Variants in ZFHX4 observed in about 807,000 individuals in gnomAD.
ZFHX4 encodes zinc finger homeobox protein 4.
ZFHX4 carries 56 observed loss-of-function variants against 267.6 expected under a neutral mutation model. That is an observed-to-expected ratio of 0.21 (90% CI 0.17 to 0.26). The LOEUF is 0.26. ZFHX4 is among the 10% of genes least tolerant of loss of function. The pLI is 1.00. For synonymous variants in ZFHX4, 1,778 were observed against 1,665.6 expected (o/e 1.07, Z -1.64); for missense variants, 4,332 against 4,420.0 (o/e 0.98, Z 0.56).
In ZFHX4 at chr8:76,851,165, A is replaced by G; in HGVS notation, c.4244A>G (p.His1415Arg). ...AFKTMQKLQI[H>R]SQYHAIRAAT... ...AAAACTATGCAGAAGCTTCAGATAC[A>G]TTCCCAGTATCATGCAATTCGGGCT... is the stretch of plus-strand genomic sequence containing the variant. The change falls in exon 10 of 11, where the codon CAT (histidine) becomes CGT (arginine). Residue 1415 changes from histidine (H) to arginine (R), a missense_variant. Coordinates refer to ENST00000651372, the MANE Select transcript of ZFHX4 (RefSeq NM_024721.5). The G allele has an allele frequency of 6.2e-7, 1 of 1,613,976 alleles. No individual in the cohort carries two copies. Among genetic ancestry groups the G allele is most frequent in the Non-Finnish European group, 8.5e-7 (1 of 1,179,886 alleles).
At chr8:76,785,156 CT>C (rs920319670) in intron 4 of ZFHX4, among the ~76,000 whole-genome samples, 25 of 151,938 alleles carry the variant, frequency 1.6e-4, no homozygotes, top group African/African-American at 5.6e-4. Flanking sequence ...CTGTATCCCC[CT>C]AGAATCATTT....
intron 3 of ZFHX4, among the ~76,000 whole-genome samples, chr8:76,727,863 G>A (rs1001068303): frequency 1.2e-4 from 18 of 151,974 alleles, no homozygotes; most frequent in African/African-American, 3.6e-4. Flanking sequence ...GTTCCTCCCC[G>A]AGGCTCAGCA....
intron 1 of ZFHX4, among the ~76,000 whole-genome samples, chr8:76,688,790 A>C (rs1280612290): frequency 6.6e-6 from 1 of 152,138 alleles, no homozygotes; most frequent in Non-Finnish European, 1.5e-5. Context: ...GTCACCACAA[A>C]TGATCCACCG....
At chr8:76,826,951 G>T (rs1159078590) in intron 4 of ZFHX4, among the ~76,000 whole-genome samples, 1 of 152,230 alleles carries the variant, frequency 6.6e-6, no homozygotes, top group Non-Finnish European at 1.5e-5. Flanking sequence ...GGCTATTATT[G>T]GGTGGAAGAG....
At chr8:76,841,384 G>C (rs570131240) in intron 5 of ZFHX4, among the ~76,000 whole-genome samples, 1 of 152,052 alleles carries the variant, frequency 6.6e-6, no homozygotes, top group Admixed American at 6.6e-5. Context: ...TAAAACATGG[G>C]GGGTGGAGAG....
chr8:76,708,586 C>T (rs1306728353), intron 3 of ZFHX4, among the ~76,000 whole-genome samples: 1 of 152,122 alleles, frequency 6.6e-6, no homozygotes, highest in Non-Finnish European at 1.5e-5. Context: ...AAAGTAAATT[C>T]TGTTGTTATT....
chr8:76,741,012 A>C (rs537668971), intron 3 of ZFHX4, among the ~76,000 whole-genome samples: 1 of 152,312 alleles, frequency 6.6e-6, no homozygotes, highest in African/African-American at 2.4e-5. Context: ...AAAACCAGGC[A>C]TGCATGGAAG....
chr8:76,799,575 T>C lies in ZFHX4; in HGVS notation c.3325+21136T>C, dbSNP rs573264174. Among the ~76,000 whole-genome samples, 20 of 152,278 alleles carry C rather than the reference T, an allele frequency of 1.3e-4. No homozygotes were observed. In the East Asian group the frequency reaches 3.7e-3, roughly 28 times the overall value. On this transcript the variant is annotated intron_variant, in intron 4 of 10. Coordinates refer to ENST00000651372, the MANE Select transcript of ZFHX4 (RefSeq NM_024721.5). ...TTATTAACATTCCTTGTGGAAACAG[T>C]TTCCATAACTAAATAAATCTGTTTC...
At position 76,864,219 on chromosome 8, in the gene ZFHX4, C is replaced by T; in HGVS notation, c.10505C>T (p.Thr3502Ile). 6.2e-7 allele frequency: 1 copy of T among 1,613,952 alleles called. No homozygotes were observed. Among genetic ancestry groups the T allele is most frequent in the Non-Finnish European group, 8.5e-7 (1 of 1,179,850 alleles). Residue 3502 changes from threonine to isoleucine, a missense_variant, in exon 11 of 11, where the codon ACA becomes ATA. By Grantham distance (89) the Thr-to-Ile change is moderately conservative (BLOSUM62 -1). Around this residue, in one of 7 missense-constraint regions of ZFHX4, gnomAD observed 1,648 missense variants for 1,625.0 expected, o/e 1.01. Transcript: ENST00000651372. ...HSVCSPNPNTTSTSQSAASSN... is the reference protein window; with the variant it reads ...HSVCSPNPNTISTSQSAASSN... The stretch of plus-strand genomic sequence containing the variant: ...GTCTGCTCCCCTAATCCTAACACCA[C>T]ATCTACCTCGCAGTCTGCAGCTTCT...
chr8:76,860,238 T>A (rs1320687955), intron 10 of ZFHX4, among the ~76,000 whole-genome samples: 1 of 152,098 alleles, frequency 6.6e-6, no homozygotes, highest in Non-Finnish European at 1.5e-5. Flanking sequence ...TTAATCTACA[T>A]CTCTTTTCCC....
intron 1 of ZFHX4, among the ~76,000 whole-genome samples, chr8:76,691,185 T>G (rs1167169248): frequency 1.3e-5 from 2 of 152,092 alleles, no homozygotes; most frequent in Non-Finnish European, 2.9e-5. Flanking sequence ...ATAACCTGTC[T>G]TCTCTGAGAG....
chr8:76,789,493 TCA>T (rs1810779124), intron 4 of ZFHX4, among the ~76,000 whole-genome samples: 1 of 152,224 alleles, frequency 6.6e-6, no homozygotes, highest in Admixed American at 6.5e-5. Context: ...CTGCAGAATC[TCA>T]TTTTCACTTT....
chr8:76,830,028 T>C (rs1246581170), intron 4 of ZFHX4, among the ~76,000 whole-genome samples: 4 of 152,140 alleles, frequency 2.6e-5, no homozygotes, highest in African/African-American at 7.2e-5. Context: ...CAATGTATCA[T>C]TGTGGTTAAG....
intron 4 of ZFHX4, among the ~76,000 whole-genome samples, chr8:76,827,382 C>T (rs903845846): frequency 2.0e-5 from 3 of 152,166 alleles, no homozygotes; most frequent in African/African-American, 7.2e-5. Context: ...CCTAACAAGC[C>T]ACGGACCAGG....
In ZFHX4 at chr8:76,768,397, C is replaced by T. The variant is rs149191671; in HGVS notation, c.3094-9811C>T. Among the ~76,000 whole-genome samples the T allele has an allele frequency of 1.5e-4, 23 of 152,164 alleles. No homozygotes were observed. The East Asian group carries it at 4.1e-3, about 27-fold the overall frequency. ...AATGCAGGTCATGATGCCAAGTGCT[C>T]ACTTTGTGATTATACTCAAGCTGGC... On this transcript the variant is annotated intron_variant, in intron 3 of 10. Coordinates refer to ENST00000651372, the MANE Select transcript of ZFHX4 (RefSeq NM_024721.5).
chr8:76,703,067 T>C (rs1309066879), intron 1 of ZFHX4, among the ~76,000 whole-genome samples: 3 of 152,146 alleles, frequency 2.0e-5, no homozygotes, highest in East Asian at 1.9e-4. Context: ...GAAACTGATA[T>C]GGCTTTTATG....
intron 10 of ZFHX4, among the ~76,000 whole-genome samples, chr8:76,862,213 G>T (rs1471503890): frequency 6.6e-6 from 1 of 152,148 alleles, no homozygotes; most frequent in African/African-American, 2.4e-5. Flanking sequence ...ACAAAGCAAA[G>T]ATCTTTTACA....
chr8:76,684,773 G>A (rs774600395), intron 1 of ZFHX4, among the ~76,000 whole-genome samples: 1 of 152,180 alleles, frequency 6.6e-6, no homozygotes, highest in Non-Finnish European at 1.5e-5. Context: ...TTTAGCAGAT[G>A]AGCCCAAATC....
intron 4 of ZFHX4, among the ~76,000 whole-genome samples, chr8:76,825,958 G>A (rs904976775): frequency 2.0e-5 from 3 of 152,130 alleles, no homozygotes; most frequent in Non-Finnish European, 2.9e-5. Context: ...TGAGAGTAAA[G>A]GTACCTTTGT....
Sources: allele counts gnomAD v4.1 joint callset (sites outside exome capture counted in the v4.1 genomes callset), GRCh38; gene constraint gnomAD v4.1.1; regional missense constraint gnomAD v4.1.1; transcripts MANE v1.5; gene names NCBI Gene and HGNC (gene_info 2026-07-23, HGNC 2026-07-21).